The following AFF2 variants were observed in gnomAD, a reference collection of about 807,000 sequenced individuals.
AFF2 encodes the protein AF4/FMR2 family member 2.
AFF2 carries 14 observed loss-of-function variants against 76.9 expected under a neutral mutation model. The ratio of observed to expected loss-of-function variants is 0.18; its 90% CI spans 0.12 to 0.28. The LOEUF is 0.28. Among genes scored for constraint, AFF2 ranks in the 10% least tolerant of loss-of-function variants. AFF2 has a pLI of 1.00. For missense variants in AFF2, 868 were observed against 1,001.1 expected (o/e 0.87, Z 1.79); for synonymous variants, 398 against 366.7 (o/e 1.09, Z -0.98).
At position 148,996,698 on chromosome X, in the gene AFF2, G is replaced by C. The variant is rs375981595; in HGVS notation, c.*5366G>C. ...AGGTATGGGTTGCCCTGGAAGCCTA[G>C]GTTTTAAGCAGGAGAATAGCTGAGA... is the stretch of plus-strand genomic sequence containing the variant. On this transcript the variant is annotated 3_prime_UTR_variant, in exon 21 of 21. Transcript: ENST00000370460. 13 of 111,956 alleles carry C rather than the reference G, an allele frequency of 1.2e-4. No homozygotes were observed. The highest frequency in any genetic ancestry group is 4.2e-4 in the African/African-American group (13 of 30,805). The allele number at this position is 111,956 out of a possible 1,213,427, so 9.2% of individuals were successfully genotyped here.
At position 148,873,199 on chromosome X, in the gene AFF2, G is replaced by A. The variant is rs182795788; in HGVS notation, c.1263-12690G>A. ...ATTCCAAAGTCAGGGAGGAGGAGAA[G>A]AGTCTTTGCCCACAGGATCTTGCCT... On this transcript the variant is annotated intron_variant, in intron 7 of 20. Transcript: ENST00000370460. Among the ~76,000 whole-genome samples, 3 of 111,115 alleles carry A rather than the reference G, an allele frequency of 2.7e-5. No individual in the cohort carries two copies. In the East Asian group the frequency reaches 8.6e-4, roughly 32 times the overall value.
At position 148,719,181 on chromosome X, in the gene AFF2, A is replaced by G. The variant is rs1383012401; in HGVS notation, c.1041+56413A>G. ...ATGCTTCACCCCTCTTTCTTGATCC[A>G]TGAAGTTCAAAAGGAGGCACCAAGC... On this transcript the variant is annotated intron_variant, in intron 3 of 20. Transcript: ENST00000370460. The G allele has an allele frequency of 7.8e-6, 9 of 1,147,508 alleles. No homozygotes were observed. Among genetic ancestry groups the G allele is most frequent in the Non-Finnish European group, 1.0e-5 (9 of 867,008 alleles). The allele number at this position is 1,147,508 out of a possible 1,213,427, so 94.6% of individuals were successfully genotyped here.
At position 148,991,367 on chromosome X, in the gene AFF2, C is replaced by T. The variant is rs782505699; in HGVS notation, c.*35C>T. On this transcript the variant is annotated 3_prime_UTR_variant, in exon 21 of 21. Transcript: ENST00000370460. Reference sequence around the variant, plus strand: ...TCAGATCTCTAGCATCACGACCCATCACTCTACCTCTACCAGCGCACTGAT... The same window carrying T: ...TCAGATCTCTAGCATCACGACCCATTACTCTACCTCTACCAGCGCACTGAT... 29 of 1,161,115 alleles carry T rather than the reference C, an allele frequency of 2.5e-5. No individual in the cohort carries two copies. In the African/African-American group the frequency reaches 3.4e-4, roughly 14 times the overall value.
chrX:148,956,292 C>G lies in AFF2; in HGVS notation c.2247C>G (p.Ile749Met), dbSNP rs782451155. 8 of 1,210,178 alleles carry G rather than the reference C, an allele frequency of 6.6e-6. No homozygotes were observed. The East Asian group carries it at 2.1e-4, about 31-fold the overall frequency. The change falls in exon 11 of 21, where the codon ATC (isoleucine) becomes ATG (methionine). Residue 749 changes from isoleucine to methionine, a missense_variant. Around this residue, in one of 6 missense-constraint regions of AFF2, gnomAD observed 532 missense variants for 564.2 expected, o/e 0.94. Transcript: ENST00000370460. ...SGGNTAKSKEICGASLTLSTL... is the reference protein window; with the variant it reads ...SGGNTAKSKEMCGASLTLSTL... ...GTAATACTGCCAAATCCAAGGAAAT[C>G]TGTGGTGCCAGCCTGACCCTCAGCA...
chrX:148,607,894 G>A (rs1266222579), intron 1 of AFF2, among the ~76,000 whole-genome samples: 1 of 111,920 alleles, frequency 8.9e-6, no homozygotes, highest in Non-Finnish European at 1.9e-5. Context: ...AGAGGGTTTG[G>A]ACTCCCAATG....
At chrX:148,846,724 G>T (rs916225227) in intron 7 of AFF2, among the ~76,000 whole-genome samples, 24 of 110,981 alleles carry the variant, frequency 2.2e-4, no homozygotes, top group Non-Finnish European at 4.0e-4. Context: ...AAAAAAGAGG[G>T]TGAAGCGTGG....
chrX:148,729,028 GT>G (rs1407259358), intron 3 of AFF2, among the ~76,000 whole-genome samples: 2 of 112,156 alleles, frequency 1.8e-5, no homozygotes, highest in Non-Finnish European at 3.8e-5. Context: ...TACACACGTA[GT>G]TGTGTATTCC....
chrX:148,869,366 A>G (rs1189958784), intron 7 of AFF2, among the ~76,000 whole-genome samples: 1 of 112,363 alleles, frequency 8.9e-6, no homozygotes, highest in East Asian at 2.8e-4. Flanking sequence ...TAAAAGATAA[A>G]TGTTATATGT....
At chrX:148,865,238 G>A (rs1232108859) in intron 7 of AFF2, among the ~76,000 whole-genome samples, 1 of 112,584 alleles carries the variant, frequency 8.9e-6, no homozygotes, top group African/African-American at 3.2e-5. Context: ...TCAGAGAAAT[G>A]CCTGAATTAA....
In AFF2 at chrX:148,803,775, A is replaced by G. The variant is rs1029853690; in HGVS notation, c.1042-6101A>G. ...GCATATGCATTCCACCGTTGCCCAT[A>G]CCTAATGTAATCACTGAAGAGATGT... is the stretch of plus-strand genomic sequence containing the variant. On this transcript the variant is annotated intron_variant, in intron 3 of 20. Transcript: ENST00000370460. Among the ~76,000 whole-genome samples the G allele has an allele frequency of 6.3e-5, 7 of 110,911 alleles. No homozygotes were observed. The South Asian group carries it at 2.7e-3, about 43-fold the overall frequency.
intron 1 of AFF2, among the ~76,000 whole-genome samples, chrX:148,519,555 A>G (rs1355150647): frequency 1.8e-5 from 2 of 112,095 alleles, no homozygotes; most frequent in East Asian, 2.8e-4. Context: ...GAAGAATCTA[A>G]ACTATTCTTG....
intron 3 of AFF2, among the ~76,000 whole-genome samples, chrX:148,784,570 C>T (rs1048910313): frequency 1.8e-5 from 2 of 111,416 alleles, no homozygotes; most frequent in Non-Finnish European, 3.8e-5. Flanking sequence ...CCTAATGCTA[C>T]GGTGCATTAA....
At chrX:148,864,722 G>T (rs1190683249) in intron 7 of AFF2, among the ~76,000 whole-genome samples, 2 of 111,843 alleles carry the variant, frequency 1.8e-5, no homozygotes, top group Non-Finnish European at 3.8e-5. Context: ...GCAGCATAAG[G>T]GTTGTTCATG....
chrX:148,602,458 T>C (rs1774980880), intron 1 of AFF2, among the ~76,000 whole-genome samples: 1 of 108,745 alleles, frequency 9.2e-6, no homozygotes, highest in African/African-American at 3.4e-5. Context: ...GGTGTGGGAT[T>C]GGAGGGGGTG....
At chrX:148,940,058 C>G (rs2071816209) in intron 9 of AFF2, among the ~76,000 whole-genome samples, 1 of 111,785 alleles carries the variant, frequency 8.9e-6, no homozygotes, top group South Asian at 3.7e-4. Flanking sequence ...CAGTAACATA[C>G]CCAGGTTTTG....
chrX:148,620,379 C>T (rs1247177570), intron 1 of AFF2, among the ~76,000 whole-genome samples: 2 of 110,737 alleles, frequency 1.8e-5, no homozygotes, highest in African/African-American at 3.3e-5. Flanking sequence ...TACTATGTGC[C>T]TTAGAACTCC....
intron 1 of AFF2, among the ~76,000 whole-genome samples, chrX:148,548,721 C>T (rs1315356499): frequency 8.9e-6 from 1 of 112,354 alleles, no homozygotes; most frequent in Non-Finnish European, 1.9e-5. Flanking sequence ...AGGCGTCAGC[C>T]ACCGCACCTG....
intron 3 of AFF2, among the ~76,000 whole-genome samples, chrX:148,713,235 T>G (rs1374718154): frequency 4.5e-5 from 5 of 111,546 alleles, no homozygotes; most frequent in African/African-American, 6.5e-5. Context: ...AGAACAGGTC[T>G]TGGAGCAGCA....
At chrX:148,988,319 G>T (rs781900664) in intron 20 of AFF2, among the ~76,000 whole-genome samples, 1 of 112,174 alleles carries the variant, frequency 8.9e-6, no homozygotes, top group South Asian at 3.8e-4. Flanking sequence ...ACCAGTCAAG[G>T]TGGGGACAAA....
Sources: gnomAD v4.1 joint callset for allele counts (sites outside exome capture counted in the v4.1 genomes callset) on GRCh38, gnomAD v4.1.1 for gene constraint, gnomAD v4.1.1 regional missense constraint, MANE v1.5 for transcripts, NCBI Gene and HGNC (gene_info 2026-07-23, HGNC 2026-07-21) for gene names.